SAMMSON: variants seen among roughly 807,000 people sequenced by gnomAD.
SAMMSON encodes long intergenic non-protein coding RNA 1212.
chr3:70,407,107 C>A (rs780121120), intron 2 of SAMMSON, among the ~76,000 whole-genome samples: 7 of 152,154 alleles, frequency 4.6e-5, no homozygotes, highest in Non-Finnish European at 1.0e-4. Flanking sequence ...TTATTCACTG[C>A]CATGAGAACA....
intron 4 of SAMMSON, among the ~76,000 whole-genome samples, chr3:70,231,971 G>A (rs748187955): frequency 1.3e-5 from 2 of 152,112 alleles, no homozygotes; most frequent in African/African-American, 2.4e-5. Flanking sequence ...AGTGTTGGGA[G>A]CCCCCAAAGC....
At chr3:70,234,669 AATAGAGCT>A (rs756201289) in intron 4 of SAMMSON, among the ~76,000 whole-genome samples, 48 of 152,070 alleles carry the variant, frequency 3.2e-4, no homozygotes, top group Non-Finnish European at 5.9e-4. Flanking sequence ...TCTGGTGCTT[AATAGAGCT>A]ATGGTCACAA....
chr3:70,209,271 A>T (rs1576155767), intron 4 of SAMMSON, among the ~76,000 whole-genome samples: 1 of 152,066 alleles, frequency 6.6e-6, no homozygotes, highest in East Asian at 1.9e-4. Context: ...ACTAGATGCT[A>T]GTAGCACCTG....
chr3:70,174,596 A>G (rs1445023236), intron 4 of SAMMSON, among the ~76,000 whole-genome samples: 1 of 152,082 alleles, frequency 6.6e-6, no homozygotes, highest in Non-Finnish European at 1.5e-5. Flanking sequence ...GAGGTACTTC[A>G]TGGTGTCTAA....
intron 9 of SAMMSON, among the ~76,000 whole-genome samples, chr3:70,379,768 A>T (rs984228618): frequency 1.3e-5 from 2 of 152,126 alleles, no homozygotes; most frequent in Admixed American, 1.3e-4. Flanking sequence ...CTTGTCCTTT[A>T]TAGAGAAAAA....
chr3:70,422,616 T>C (rs1701322225), intron 2 of SAMMSON, among the ~76,000 whole-genome samples: 1 of 152,042 alleles, frequency 6.6e-6, no homozygotes, highest in Admixed American at 6.5e-5. Flanking sequence ...TTTCTCATTT[T>C]TTTCTGTTAG....
At chr3:70,193,120 G>A (rs1443032888) in intron 4 of SAMMSON, among the ~76,000 whole-genome samples, 1 of 152,124 alleles carries the variant, frequency 6.6e-6, no homozygotes, top group Non-Finnish European at 1.5e-5. Context: ...GAGCTGTGAA[G>A]CATATCAAGA....
intron 7 of SAMMSON, among the ~76,000 whole-genome samples, chr3:70,344,240 C>G (rs952995808): frequency 6.6e-6 from 1 of 152,088 alleles, no homozygotes; most frequent in South Asian, 2.1e-4. Context: ...GTATAAACCC[C>G]AAGCCCCCAG....
chr3:70,419,677 C>T (rs1021282807), intron 2 of SAMMSON, among the ~76,000 whole-genome samples: 1 of 152,192 alleles, frequency 6.6e-6, no homozygotes, highest in East Asian at 1.9e-4. Flanking sequence ...CCCGCTCTGT[C>T]ACCCAGGCTG....
At chr3:70,320,550 T>C (rs961421205) in intron 7 of SAMMSON, among the ~76,000 whole-genome samples, 1 of 152,074 alleles carries the variant, frequency 6.6e-6, no homozygotes, top group Non-Finnish European at 1.5e-5. Flanking sequence ...TCAAGTCCCC[T>C]CTTTTCTCCA....
intron 7 of SAMMSON, among the ~76,000 whole-genome samples, chr3:70,300,807 G>A (rs1702340134): frequency 6.6e-6 from 1 of 152,006 alleles, no homozygotes; most frequent in African/African-American, 2.4e-5. Context: ...ATTAACGGAT[G>A]TCAGCCTACA....
chr3:70,204,222 G>T (rs1324459409), intron 4 of SAMMSON, among the ~76,000 whole-genome samples: 1 of 152,126 alleles, frequency 6.6e-6, no homozygotes, highest in Non-Finnish European at 1.5e-5. Context: ...ACATGAAAGT[G>T]GATGCAGTAT....
intron 7 of SAMMSON, among the ~76,000 whole-genome samples, chr3:70,317,215 C>A (rs985722873): frequency 1.3e-5 from 2 of 151,940 alleles, no homozygotes; most frequent in African/African-American, 4.8e-5. Context: ...TATACACAGG[C>A]TTACAGGCAT....
At chr3:70,282,705 T>C (rs2049220) in intron 6 of SAMMSON, among the ~76,000 whole-genome samples, 72,170 of 152,076 alleles carry the variant, frequency 0.47, 17,788 homozygotes, top group East Asian at 0.81. Context: ...CTCGACTACC[T>C]TGTCTATGCC....
Position 70,227,150 on chromosome 3 carries a change from G to A in SAMMSON, n.508-21957G>A, listed in dbSNP as rs1052665016. 2.6e-5 allele frequency among the ~76,000 whole-genome samples: 4 copies of A among 152,152 alleles called. No homozygotes were observed. In the East Asian group the frequency reaches 7.7e-4, roughly 29 times the overall value. ...ATACTTGAAATACAGGTTAAAGCAG[G>A]ACTACAACAAGATCATATTTTTGTC... On this transcript the variant is annotated intron_variant and non_coding_transcript_variant, in intron 4 of 9. Coordinates refer to ENST00000642114, the Ensembl canonical transcript of SAMMSON.
chr3:70,217,859 T>C (rs1286411503), intron 4 of SAMMSON, among the ~76,000 whole-genome samples: 1 of 152,154 alleles, frequency 6.6e-6, no homozygotes, highest in Non-Finnish European at 1.5e-5. Context: ...TTGGATGGAC[T>C]TAAGAGGCTC....
At chr3:70,270,221 C>T (rs1160421947) in intron 6 of SAMMSON, among the ~76,000 whole-genome samples, 1 of 152,078 alleles carries the variant, frequency 6.6e-6, no homozygotes, top group African/African-American at 2.4e-5. Context: ...TCTCAATGAC[C>T]AGTTGGTTTT....
chr3:70,266,764 T>C (rs1031860774), intron 6 of SAMMSON, among the ~76,000 whole-genome samples: 4 of 152,148 alleles, frequency 2.6e-5, no homozygotes, highest in African/African-American at 9.7e-5. Flanking sequence ...TCTTTTAAAA[T>C]ATATTTCTAT....
intron 4 of SAMMSON, among the ~76,000 whole-genome samples, chr3:70,092,141 C>G (rs561907717): frequency 6.6e-6 from 1 of 152,056 alleles, no homozygotes; most frequent in East Asian, 1.9e-4. Flanking sequence ...CTCAATTTGC[C>G]TGTATGCGAA....
Sources: gnomAD v4.1 joint callset for allele counts (sites outside exome capture counted in the v4.1 genomes callset) on GRCh38, gnomAD v4.1.1 for gene constraint, MANE v1.5 for transcripts, NCBI Gene and HGNC (gene_info 2026-07-23, HGNC 2026-07-21) for gene names.